Variants in ABCA3 observed in about 807,000 individuals in gnomAD.
ABCA3 encodes phospholipid-transporting ATPase ABCA3.
In ABCA3, 88 loss-of-function variants were observed where a neutral mutation model predicts 172.8. That is an observed-to-expected ratio of 0.51 (90% confidence interval 0.43 to 0.61). The LOEUF (loss-of-function observed/expected upper bound fraction) is 0.61. ABCA3 is among the 20% of genes least tolerant of loss of function. The probability of loss-of-function intolerance (pLI) is 0.00; values close to 1 mark genes in which losing one functional copy is unlikely to be tolerated. For missense variants in ABCA3, 2,164 were observed against 2,301.0 expected, an observed-to-expected ratio of 0.94 and a Z score of 1.22; for synonymous variants, 1,066 against 983.8, an observed-to-expected ratio of 1.08 and a Z score of -1.56.
In ABCA3 at chr16:2,288,285, C is replaced by G. The variant is rs1459105468; in HGVS notation, c.2745G>C (p.Lys915Asn). Reference protein sequence around the residue: ...CQQFWAMFLKKAAYSWREWKM... With the variant: ...CQQFWAMFLKNAAYSWREWKM... The stretch of plus-strand genomic sequence containing the variant: ...TCCACTCGCGCCAGCTGTATGCGGC[C>G]TTCTTCAGGAACATGGCCCAGAATT... Residue 915 changes from lysine to asparagine, a missense_variant, in exon 21 of 33, where the codon AAG (lysine) becomes AAC (asparagine). Lys to Asn is a moderately conservative substitution (Grantham distance 94). This residue lies in a region of ABCA3 where 1,343 missense variants were observed against 1,369.6 expected (regional missense o/e 0.98). Coordinates refer to ENST00000301732, the MANE Select transcript of ABCA3 (RefSeq NM_001089.3). The G allele has an allele frequency of 4.4e-6, 7 of 1,579,326 alleles. No individual in the cohort carries two copies. The Admixed American group carries it at 1.3e-4, about 28-fold the overall frequency.
intron 10 of ABCA3, among the ~76,000 whole-genome samples, chr16:2,313,041 C>A (rs1359392888): frequency 6.6e-6 from 1 of 151,264 alleles, no homozygotes; most frequent in African/African-American, 2.4e-5. Flanking sequence ...GGCAACAGAA[C>A]GAGACCATGT....
At chr16:2,315,129 C>T (rs907255614) in intron 10 of ABCA3, among the ~76,000 whole-genome samples, 8 of 150,916 alleles carry the variant, frequency 5.3e-5, no homozygotes, top group African/African-American at 1.2e-4. Context: ...ATGATCCACC[C>T]GCCTCGGCCT....
chr16:2,295,609 G>C lies in ABCA3; in HGVS notation c.2395C>G (p.Pro799Ala). Residue 799 changes from proline (P) to alanine (A), a missense_variant, in exon 18 of 33, where the codon CCC becomes GCC. By Grantham distance (27) the Pro-to-Ala change is conservative (BLOSUM62 -1). This residue lies in a region of ABCA3 where 1,343 missense variants were observed against 1,369.6 expected (regional missense o/e 0.98). Coordinates refer to ENST00000301732, the MANE Select transcript of ABCA3 (RefSeq NM_001089.3). ...GCGTACCTGTGCGTGCTCTCTCTGG[G>C]AAGGATGAAAGACAGCTCGGCCCCA... ...SAGAELSFIL[P>A]RESTHRFEGL... 3 of 1,613,744 alleles carry C rather than the reference G, an allele frequency of 1.9e-6. No homozygotes were observed. Among genetic ancestry groups the C allele is most frequent in the East Asian group, 2.2e-5 (1 of 44,888 alleles).
chr16:2,328,648 C>G lies in ABCA3; in HGVS notation c.-222G>C, dbSNP rs1391918210. 1 of 472,892 alleles carries G rather than the reference C, an allele frequency of 2.1e-6. No homozygotes were observed. The highest frequency in any genetic ancestry group is 1.5e-5 in the South Asian group (1 of 66,584). 29.3% of individuals were successfully genotyped at this position (472,892 alleles called of 1,614,324 possible). On this transcript the variant is annotated 5_prime_UTR_variant, in exon 3 of 33. Transcript: ENST00000301732. ...CCTGGTGCTGGTCCACTCGCTACAA[C>G]TGCAGGCAGAGAGGAGTCCTTCCCG... is the stretch of plus-strand genomic sequence containing the variant.
chr16:2,318,934 T>G (rs1276807911), intron 8 of ABCA3, among the ~76,000 whole-genome samples: 3 of 152,072 alleles, frequency 2.0e-5, no homozygotes, highest in African/African-American at 7.2e-5. Flanking sequence ...TTGTTTGATC[T>G]GTGTATCTGC....
chr16:2,315,197 G>A (rs1450357855), intron 10 of ABCA3, among the ~76,000 whole-genome samples: 2 of 137,884 alleles, frequency 1.5e-5, no homozygotes, highest in African/African-American at 5.5e-5. Context: ...ATTGTTGTAT[G>A]TATTTTACAC....
At chr16:2,324,600 C>G in intron 5 of ABCA3, 69 bp from the exon 6 acceptor site, 5 of 1,596,802 alleles carry the variant, frequency 3.1e-6, no homozygotes, top group Non-Finnish European at 4.2e-6. Context: ...CTGCGTGGTT[C>G]AGGTCACTGG....
At chr16:2,305,530 C>A (rs1415401169) in intron 11 of ABCA3, among the ~76,000 whole-genome samples, 3 of 151,970 alleles carry the variant, frequency 2.0e-5, no homozygotes, top group Non-Finnish European at 4.4e-5. Flanking sequence ...CTCTTGACCC[C>A]ATGACCCGCC....
chr16:2,312,531 CTTTT>C (rs201356602), intron 10 of ABCA3, among the ~76,000 whole-genome samples: 1 of 139,704 alleles, frequency 7.2e-6, no homozygotes. Flanking sequence ...TGGCATTTTT[CTTTT>C]TTTTTTTTTT....
Position 2,284,108 on chromosome 16 carries a change from C to A in ABCA3, c.3862+171G>T, listed in dbSNP as rs991813281. The A allele has an allele frequency of 6.1e-5, 46 of 754,332 alleles. No homozygotes were observed. The highest frequency in any genetic ancestry group is 8.9e-5 in the Non-Finnish European group (43 of 483,080). 46.7% of individuals were successfully genotyped at this position (754,332 alleles called of 1,614,324 possible). A position where few individuals can be genotyped will look rare whatever the true frequency, so the allele number is the denominator to read the frequency against. On this transcript the variant is annotated intron_variant, in intron 25 of 32. Coordinates refer to ENST00000301732, the MANE Select transcript of ABCA3 (RefSeq NM_001089.3). This position sits in a 1 kb window ranked among gnomAD's most constrained non-coding sequence, Gnocchi z 5.9. ...GGAGCTCAGGTACAGGGCCTGGGAGCGAGCGGGCGCGAGGGGGCTGCTGTG... is the reference window on the plus strand; with the variant it reads ...GGAGCTCAGGTACAGGGCCTGGGAGAGAGCGGGCGCGAGGGGGCTGCTGTG...
intron 8 of ABCA3, among the ~76,000 whole-genome samples, chr16:2,319,312 C>T (rs940497063): frequency 5.3e-5 from 8 of 151,806 alleles, no homozygotes; most frequent in African/African-American, 1.9e-4. Context: ...GGTGAAACCA[C>T]GTCTCTACTA....
At chr16:2,310,348 C>A (rs1161560909) in intron 10 of ABCA3, among the ~76,000 whole-genome samples, 2 of 151,682 alleles carry the variant, frequency 1.3e-5, no homozygotes, top group Non-Finnish European at 2.9e-5. Context: ...GTGGAGGTTG[C>A]AGTGAGCCGA....
chr16:2,304,896 C>T lies in ABCA3; in HGVS notation c.1286-746G>A, dbSNP rs560479550. Among the ~76,000 whole-genome samples, 3 of 152,040 alleles carry T rather than the reference C, an allele frequency of 2.0e-5. No individual in the cohort carries two copies. The East Asian group carries it at 5.8e-4, about 30-fold the overall frequency. On this transcript the variant is annotated intron_variant, in intron 11 of 32. Transcript: ENST00000301732. ...TTCACTGTGTTAGCCAGGGTGGTCT[C>T]GATCTCCTGACCTTGTGATTCGCCT...
rs759763306 is a variant in ABCA3 at position 2,298,370 on chromosome 16, CT to C, written c.1896+15del. On this transcript the variant is annotated intron_variant, in intron 15 of 32. Coordinates refer to ENST00000301732, the MANE Select transcript of ABCA3 (RefSeq NM_001089.3). ...TCAGTGGAAACACCCCTGCACACCCCTGGCCCCCAACTCACCTGGGCGTAGA... is the reference window on the plus strand; with the variant it reads ...TCAGTGGAAACACCCCTGCACACCCCGGCCCCCAACTCACCTGGGCGTAGA... The C allele has an allele frequency of 1.9e-6, 3 of 1,614,064 alleles. No individual in the cohort carries two copies. The highest frequency in any genetic ancestry group is 2.5e-6 in the Non-Finnish European group (3 of 1,180,014).
At chr16:2,332,639 G>A (rs1486891176) in intron 1 of ABCA3, 7 of 1,601,810 alleles carry the variant, frequency 4.4e-6, no homozygotes, top group African/African-American at 4.0e-5. Context: ...ATCTTCTCCA[G>A]GGGCCGCCCG....
In ABCA3 at chr16:2,297,572, T is replaced by C. The variant is rs749787549; in HGVS notation, c.2053-33A>G. 4.4e-6 allele frequency: 7 copies of C among 1,609,000 alleles called. No homozygotes were observed. In the East Asian group the frequency reaches 1.1e-4, roughly 26 times the overall value. ...GAGAGACACAGTCTCGCGACGCTGG[T>C]AGAGCCACACCCCGGGCCCAGGCTG... On this transcript the variant is annotated intron_variant, in intron 16 of 32. Transcript: ENST00000301732. This position sits in a 1 kb window ranked among gnomAD's most constrained non-coding sequence, Gnocchi z 5.6.
chr16:2,310,415 C>A (rs954845401), intron 10 of ABCA3, among the ~76,000 whole-genome samples: 2 of 146,328 alleles, frequency 1.4e-5, no homozygotes, highest in Non-Finnish European at 3.0e-5. Context: ...TCAAAACAAA[C>A]AAACAAACAA....
chr16:2,319,633 G>A lies in ABCA3; in HGVS notation c.821C>T (p.Thr274Ile). ...GACAGCACGGGCAATGGTGAGCGCGGTGTAGGTGAAGCTGAGCAGCAGCAG... is the reference window on the plus strand; with the variant it reads ...GACAGCACGGGCAATGGTGAGCGCGATGTAGGTGAAGCTGAGCAGCAGCAG... ...PLLLLLSFTY[T>I]ALTIARAVVQ... Residue 274 changes from threonine to isoleucine, a missense_variant, in exon 8 of 33, where the codon ACC (threonine) becomes ATC (isoleucine). Around this residue, in one of 3 missense-constraint regions of ABCA3, gnomAD observed 1,343 missense variants for 1,369.6 expected, o/e 0.98. Coordinates refer to ENST00000301732, the MANE Select transcript of ABCA3 (RefSeq NM_001089.3). 1 of 1,613,608 alleles carries A rather than the reference G, an allele frequency of 6.2e-7. No individual in the cohort carries two copies. Among genetic ancestry groups the A allele is most frequent in the South Asian group, 1.1e-5 (1 of 91,084 alleles).
chr16:2,293,600 C>T (rs899265206), intron 18 of ABCA3, among the ~76,000 whole-genome samples: 4 of 150,810 alleles, frequency 2.7e-5, no homozygotes, highest in Admixed American at 1.3e-4. Context: ...TGCGGTGGCG[C>T]GATCTTGGCT....
Sources: allele counts gnomAD v4.1 joint callset (sites outside exome capture counted in the v4.1 genomes callset), GRCh38; gene constraint gnomAD v4.1.1; regional missense constraint gnomAD v4.1.1; non-coding constraint Gnocchi (gnomAD v3.1); transcripts MANE v1.5; gene names NCBI Gene and HGNC (gene_info 2026-07-23, HGNC 2026-07-21).